Variants in IL17RE observed in about 807,000 individuals in gnomAD.
The protein encoded by IL17RE is interleukin 17 receptor E.
In IL17RE, 47 loss-of-function variants were observed where a neutral mutation model predicts 70.7. The observed-to-expected ratio is 0.67, with a 90% CI of 0.53 to 0.85. The LOEUF is 0.85. Ranked by LOEUF, IL17RE falls within the 40% of genes least tolerant of loss-of-function variation. IL17RE has a pLI of 0.00. For synonymous variants in IL17RE, 372 were observed against 381.2 expected (o/e 0.98, Z 0.28); for missense variants, 850 against 893.9 (o/e 0.95, Z 0.63).
chr3:9,906,214 T>A (rs279582), intron 3 of IL17RE, 150 bp from the exon 4 acceptor site: 172,382 of 329,558 alleles, frequency 0.52, 47,807 homozygotes, highest in African/African-American at 0.64. Flanking sequence ...GCGCCATTGC[T>A]CTCCAGCCTG....
In IL17RE at chr3:9,915,493, C is replaced by A; in HGVS notation, c.1690C>A (p.Leu564Ile). The A allele has an allele frequency of 7.6e-7, 1 of 1,314,496 alleles. No individual in the cohort carries two copies. 81.4% of individuals were successfully genotyped at this position (1,314,496 alleles called of 1,614,324 possible). A position where few individuals can be genotyped will look rare whatever the true frequency, so the allele number is the denominator to read the frequency against. The stretch of plus-strand genomic sequence containing the variant: ...GCTGCTGCTGTGGAGCGGCGCCGAC[C>A]TTCGCCCGGTCAGCGGCCCCGACCC... The part of the protein sequence containing the change: ...TVLLLWSGAD[L>I]RPVSGPDPRA... The change falls in exon 16 of 16, where the codon CTT (leucine) becomes ATT (isoleucine). Residue 564 changes from leucine to isoleucine, a missense_variant. Transcript: ENST00000383814. The surrounding 1 kb of genome is among the most constrained non-coding windows in gnomAD (Gnocchi z 4.9).
intron 13 of IL17RE, chr3:9,914,266 C>T: frequency 1.4e-6 from 1 of 735,832 alleles, no homozygotes; most frequent in Non-Finnish European, 2.2e-6. Flanking sequence ...GCCTGGAGCT[C>T]AGTGCCATCT....
chr3:9,909,447 G>A, intron 8 of IL17RE, 164 bp downstream of exon 8: 2 of 659,864 alleles, frequency 3.0e-6, no homozygotes. Flanking sequence ...TCAGTGGGGG[G>A]AAAAGGGCTG....
intron 12 of IL17RE, among the ~76,000 whole-genome samples, chr3:9,912,539 T>C (rs2082917729): frequency 6.6e-6 from 1 of 152,238 alleles, no homozygotes; most frequent in African/African-American, 2.4e-5. Context: ...ATCTTCCATG[T>C]ATCTGATATA....
At position 9,909,214 on chromosome 3, in the gene IL17RE, C is replaced by A; in HGVS notation, c.736-3C>A. Reference sequence around the variant, plus strand: ...CCCTCCCCACCTGCTCCCGTCTCTCCAGGCATCCTACCTGCAAGAGGACAC... The same window carrying A: ...CCCTCCCCACCTGCTCCCGTCTCTCAAGGCATCCTACCTGCAAGAGGACAC... On this transcript the variant is annotated splice_region_variant and splice_polypyrimidine_tract_variant and intron_variant, in intron 7 of 15. Coordinates refer to ENST00000383814, the MANE Select transcript of IL17RE (RefSeq NM_153480.2). 1 of 1,613,536 alleles carries A rather than the reference C, an allele frequency of 6.2e-7. No individual in the cohort carries two copies. The highest frequency in any genetic ancestry group is 8.5e-7 in the Non-Finnish European group (1 of 1,179,702).
At position 9,908,360 on chromosome 3, in the gene IL17RE, AG is replaced by A. The variant is rs2082809524; in HGVS notation, c.735+55del. 3.3e-6 allele frequency: 5 copies of A among 1,493,934 alleles called. No individual in the cohort carries two copies. The East Asian group carries it at 1.1e-4, about 34-fold the overall frequency. 92.5% of individuals were successfully genotyped at this position (1,493,934 alleles called of 1,614,324 possible). On this transcript the variant is annotated intron_variant, in intron 7 of 15. Transcript: ENST00000383814. ...CCATGGCTCTGCTCCTAAGCCCCCAAGGTAGCGCAGTTGGTCAAGTATATCT... is the reference window on the plus strand; with the variant it reads ...CCATGGCTCTGCTCCTAAGCCCCCAAGTAGCGCAGTTGGTCAAGTATATCT...
intron 12 of IL17RE, among the ~76,000 whole-genome samples, chr3:9,912,997 T>C (rs1173433045): frequency 6.6e-6 from 1 of 152,218 alleles, no homozygotes; most frequent in South Asian, 2.1e-4. Context: ...ATAATAGCTG[T>C]TACCAATAAA....
chr3:9,914,882 T>G, intron 15 of IL17RE, 105 bp downstream of exon 15: 3 of 962,120 alleles, frequency 3.1e-6, no homozygotes, highest in Non-Finnish European at 4.7e-6. Flanking sequence ...ACCCAATCTC[T>G]GTTACCCAGG....
Position 9,904,124 on chromosome 3 carries a change from T to C in IL17RE, c.241T>C (p.Cys81Arg). 6.2e-7 allele frequency: 1 copy of C among 1,614,228 alleles called. No homozygotes were observed. Among genetic ancestry groups the C allele is most frequent in the South Asian group, 1.1e-5 (1 of 91,086 alleles). The change falls in exon 3 of 16, where the codon TGC (cysteine) becomes CGC (arginine). Residue 81 changes from cysteine (C) to arginine (R), a missense_variant. By Grantham distance (180) the Cys-to-Arg change is radical. Transcript: ENST00000383814. ...VRVWHCSRCL[C>R]QHLLSGGSGL... is the part of the protein sequence containing the mutation. ...AGTCTGGCACTGTTCCCGCTGTTTG[T>C]GCCAGCATCTGCTGTCAGGTGGCTC...
chr3:9,913,130 C>T (rs528101456), intron 12 of IL17RE, among the ~76,000 whole-genome samples: 3 of 152,090 alleles, frequency 2.0e-5, no homozygotes, highest in African/African-American at 7.2e-5. Flanking sequence ...GTAGGCCAGG[C>T]GCAGTGGCTC....
At chr3:9,911,681 A>C (rs1281707057) in intron 12 of IL17RE, 84 bp downstream of exon 12, 1 of 1,294,386 alleles carries the variant, frequency 7.7e-7, no homozygotes, top group East Asian at 2.3e-5. Flanking sequence ...GACCCTGGGA[A>C]GGCAGAAACA....
rs1421000152 is a variant in IL17RE at position 9,904,986 on chromosome 3, T to C, written c.268+835T>C. ...AGTGCACACCTGAAGTCCCAGCTAC[T>C]TGGGAAGCTGAGGTGGGAGGATCAC... On this transcript the variant is annotated intron_variant, in intron 3 of 15. Coordinates refer to ENST00000383814, the MANE Select transcript of IL17RE (RefSeq NM_153480.2). 6.1e-5 allele frequency among the ~76,000 whole-genome samples: 9 copies of C among 148,196 alleles called. No homozygotes were observed. The East Asian group carries it at 1.6e-3, about 26-fold the overall frequency.
chr3:9,905,457 A>AAAGGAAGGAAGGAAGGAAGGAACG (rs2082730615), intron 3 of IL17RE, among the ~76,000 whole-genome samples: 1 of 151,880 alleles, frequency 6.6e-6, no homozygotes, highest in South Asian at 2.1e-4. Context: ...TCCTGTCAAG[A>AAAGGAAGGAAGGAAGGAAGGAACG]AAGGAAGGAA....
At chr3:9,903,944 G>A (rs2082692880) in intron 2 of IL17RE, 88 bp from the exon 3 acceptor site, 2 of 1,516,990 alleles carry the variant, frequency 1.3e-6, no homozygotes, top group South Asian at 2.3e-5. Flanking sequence ...TCCAGGATGT[G>A]ACAGAGCTTG....
In IL17RE at chr3:9,906,984, C is replaced by T. The variant is rs4684656; in HGVS notation, c.550C>T (p.Leu184=). 4 of 1,614,028 alleles carry T rather than the reference C, an allele frequency of 2.5e-6. No homozygotes were observed. The African/African-American group carries it at 5.3e-5, about 22-fold the overall frequency. ...AGGACCCGAGTTCTCCTTTGATTTG[C>T]TGCCTGAGGCCCGGGCTATTCGGGT... The part of the protein sequence containing the change: ...HGGPEFSFDL[L]PEARAIRVTI... The change falls in exon 6 of 16, where the codon CTG becomes TTG. Residue 184 remains leucine (L), a synonymous_variant. Transcript: ENST00000383814.
At chr3:9,905,791 G>C (rs2082739550) in intron 3 of IL17RE, among the ~76,000 whole-genome samples, 1 of 152,186 alleles carries the variant, frequency 6.6e-6, no homozygotes, top group Non-Finnish European at 1.5e-5. Flanking sequence ...CTGCACTCCA[G>C]CCTGCGTGAC....
Position 9,915,288 on chromosome 3 carries a change from G to T in IL17RE, c.1485G>T (p.Ala495=). The change falls in exon 16 of 16, where the codon GCG becomes GCT. Residue 495 remains alanine (A), a synonymous_variant. Transcript: ENST00000383814. This position sits in a 1 kb window ranked among gnomAD's most constrained non-coding sequence, Gnocchi z 4.9. ...GPARPVLLLH[A]ADSEAQRRLV... ...CGCGGCCAGTGCTCCTCCTGCACGCGGCGGACTCGGAGGCGCAGCGGCGCC... is the reference window on the plus strand; with the variant it reads ...CGCGGCCAGTGCTCCTCCTGCACGCTGCGGACTCGGAGGCGCAGCGGCGCC... 2 of 1,404,766 alleles carry T rather than the reference G, an allele frequency of 1.4e-6. No individual in the cohort carries two copies. Among genetic ancestry groups the T allele is most frequent in the African/African-American group, 1.5e-5 (1 of 66,480 alleles). 87.0% of individuals were successfully genotyped at this position (1,404,766 alleles called of 1,614,324 possible).
chr3:9,906,322 G>T, intron 3 of IL17RE, 42 bp from the exon 4 acceptor site: 1 of 1,137,546 alleles, frequency 8.8e-7, no homozygotes, highest in Non-Finnish European at 1.3e-6. Context: ...GCAGGGGAGG[G>T]GGTAATGAGG....
In IL17RE at chr3:9,911,671, G is replaced by C. The variant is rs1442110646; in HGVS notation, c.1227+74G>C. On this transcript the variant is annotated intron_variant, in intron 12 of 15. Transcript: ENST00000383814. Reference sequence around the variant, plus strand: ...ATTTCCTTGTGACCTCATTGAGATAGACCCTGGGAAGGCAGAAACAAACAA... The same window carrying C: ...ATTTCCTTGTGACCTCATTGAGATACACCCTGGGAAGGCAGAAACAAACAA... The C allele has an allele frequency of 2.2e-6, 3 of 1,389,446 alleles. No individual in the cohort carries two copies. In the South Asian group the frequency reaches 3.9e-5, roughly 18 times the overall value. The allele number at this position is 1,389,446 out of a possible 1,614,324, so 86.1% of individuals were successfully genotyped here.
Sources: allele counts gnomAD v4.1 joint callset (sites outside exome capture counted in the v4.1 genomes callset), GRCh38; gene constraint gnomAD v4.1.1; non-coding constraint Gnocchi (gnomAD v3.1); transcripts MANE v1.5; gene names NCBI Gene and HGNC (gene_info 2026-07-23, HGNC 2026-07-21).